KDM1B: variants seen among roughly 807,000 people sequenced by gnomAD.
KDM1B encodes lysine demethylase 1B, also known as lysine-specific histone demethylase 2.
In KDM1B, 63 loss-of-function variants were observed where a neutral mutation model predicts 107.4. The observed-to-expected ratio is 0.59, with a 90% CI of 0.48 to 0.72. KDM1B has a LOEUF of 0.72. KDM1B is among the 30% of genes least tolerant of loss of function. The pLI is 0.00. For synonymous variants in KDM1B, 363 were observed against 363.9 expected, an observed-to-expected ratio of 1.00 and a Z score of 0.03; for missense variants, 749 against 1,020.8, an observed-to-expected ratio of 0.73 and a Z score of 3.63.
chr6:18,222,000 G>A lies in KDM1B; in HGVS notation c.*8G>A, dbSNP rs1383082498. Reference sequence around the variant, plus strand: ...AAGATTGCAGCATTTTAAGAATTCGGTGGACCCAGCTTTCTTCTGTACCCC... The same window carrying A: ...AAGATTGCAGCATTTTAAGAATTCGATGGACCCAGCTTTCTTCTGTACCCC... On this transcript the variant is annotated 3_prime_UTR_variant, in exon 22 of 22. Transcript: ENST00000650836. 6.2e-7 allele frequency: 1 copy of A among 1,613,418 alleles called. No homozygotes were observed. Among genetic ancestry groups the A allele is most frequent in the South Asian group, 1.1e-5 (1 of 91,064 alleles).
rs1788643191 is a variant in KDM1B at position 18,209,276 on chromosome 6, T to C, written c.1866+1070T>C. On this transcript the variant is annotated intron_variant, in intron 17 of 21. Coordinates refer to ENST00000650836, the MANE Select transcript of KDM1B (RefSeq NM_001364614.2). The surrounding 1 kb of genome is among the most constrained non-coding windows in gnomAD (Gnocchi z 4.3). ...GTAAACCTTGAAAATTTAAGTTTAG[T>C]TATATCTTAAGTGACTATGAAAAAA... Among the ~76,000 whole-genome samples, 1 of 152,158 alleles carries C rather than the reference T, an allele frequency of 6.6e-6. No homozygotes were observed. Among genetic ancestry groups the C allele is most frequent in the South Asian group, 2.1e-4 (1 of 4,834 alleles).
chr6:18,168,506 A>G (rs1785461850), intron 6 of KDM1B, among the ~76,000 whole-genome samples: 1 of 152,202 alleles, frequency 6.6e-6, no homozygotes, highest in Admixed American at 6.5e-5. Flanking sequence ...TTAAGCATTC[A>G]TCTATTGATG....
intron 12 of KDM1B, among the ~76,000 whole-genome samples, chr6:18,199,838 T>C (rs1026727770): frequency 1.3e-5 from 2 of 152,184 alleles, no homozygotes. Context: ...GAATACTATT[T>C]TATAAAAAGC....
chr6:18,187,292 C>T (rs558474540), intron 8 of KDM1B, among the ~76,000 whole-genome samples: 1 of 152,270 alleles, frequency 6.6e-6, no homozygotes, highest in East Asian at 1.9e-4. Flanking sequence ...ACTTTTCCCT[C>T]TGAAAGTTTT....
chr6:18,221,005 A>G (rs1031453788), intron 21 of KDM1B, among the ~76,000 whole-genome samples: 1 of 152,018 alleles, frequency 6.6e-6, no homozygotes, highest in East Asian at 1.9e-4. Flanking sequence ...CCTGCCTCCC[A>G]AAGTGTTGGG....
At chr6:18,175,309 C>A (rs887115882) in intron 7 of KDM1B, among the ~76,000 whole-genome samples, 6 of 152,092 alleles carry the variant, frequency 3.9e-5, no homozygotes, top group African/African-American at 1.4e-4. Context: ...CTATTCATAT[C>A]CTTAGCCCAC....
At chr6:18,199,027 A>AAG (rs1215831978) in intron 12 of KDM1B, among the ~76,000 whole-genome samples, 2 of 146,750 alleles carry the variant, frequency 1.4e-5, no homozygotes, top group South Asian at 2.2e-4. Context: ...AAAAAAAAAA[A>AAG]AAAAAAGAAA....
chr6:18,207,395 C>G lies in KDM1B; in HGVS notation c.1660-3C>G. 1 of 1,613,986 alleles carries G rather than the reference C, an allele frequency of 6.2e-7. No homozygotes were observed. Among genetic ancestry groups the G allele is most frequent in the Non-Finnish European group, 8.5e-7 (1 of 1,179,908 alleles). ...TGTGTCCCCAACCTCTCTTGTTTCC[C>G]AGGTATCTGCTCGCTCGTGGGACCA... On this transcript the variant is annotated splice_polypyrimidine_tract_variant and splice_region_variant and intron_variant, in intron 15 of 21. Transcript: ENST00000650836.
rs2151019397 is a variant in KDM1B, at chr6:18,211,430, T to TGAGATGTA, written c.1867-1055_1867-1048dup. Reference sequence around the variant, plus strand: ...GCCCAGCCAATCTGATGCACTTGCATGAGATGTAGAAGGTGTAGGTTGACT... The same window carrying TGAGATGTA: ...GCCCAGCCAATCTGATGCACTTGCATGAGATGTAGAGATGTAGAAGGTGTAGGTTGACT... On this transcript the variant is annotated intron_variant, in intron 17 of 21. Coordinates refer to ENST00000650836, the MANE Select transcript of KDM1B (RefSeq NM_001364614.2). The surrounding 1 kb of genome is among the most constrained non-coding windows in gnomAD (Gnocchi z 5.2). 6.6e-6 allele frequency: 1 copy of TGAGATGTA among 152,340 alleles called. No homozygotes were observed. The highest frequency in any genetic ancestry group is 1.9e-4 in the East Asian group (1 of 5,188). The allele number at this position is 152,340 out of a possible 1,614,324, so 9.4% of individuals were successfully genotyped here.
rs1314668518 is a variant in KDM1B at position 18,223,494 on chromosome 6, A to C, written c.*1502A>C. On this transcript the variant is annotated 3_prime_UTR_variant, in exon 22 of 22. Coordinates refer to ENST00000650836, the MANE Select transcript of KDM1B (RefSeq NM_001364614.2). The stretch of plus-strand genomic sequence containing the variant: ...TTCTGCTTTAAAGTATCATGTATTA[A>C]AATGTTTAGACAGCATGTGTTTTAA... The C allele has an allele frequency of 2.0e-5, 3 of 152,130 alleles. No homozygotes were observed. Among genetic ancestry groups the C allele is most frequent in the Non-Finnish European group, 4.4e-5 (3 of 68,018 alleles). The allele number at this position is 152,130 out of a possible 1,614,324, so 9.4% of individuals were successfully genotyped here.
At chr6:18,171,598 A>G in intron 7 of KDM1B, 119 bp downstream of exon 7, 3 of 677,974 alleles carry the variant, frequency 4.4e-6, no homozygotes, top group Admixed American at 2.2e-5. Flanking sequence ...ATTTGCATGC[A>G]TGTAATAGAA....
At chr6:18,206,482 A>G (rs776025903) in intron 15 of KDM1B, among the ~76,000 whole-genome samples, 19 of 152,218 alleles carry the variant, frequency 1.2e-4, no homozygotes, top group Non-Finnish European at 2.4e-4. Flanking sequence ...GTGCTACCAC[A>G]CTGCTGCCTG....
chr6:18,217,674 G>A (rs776491356), intron 20 of KDM1B, 59 bp from the exon 21 acceptor site: 42 of 1,456,804 alleles, frequency 2.9e-5, no homozygotes, highest in Middle Eastern at 1.8e-4. Context: ...GAGTCACTGC[G>A]CCCTGCCATC....
chr6:18,182,459 T>A (rs1198305133), intron 7 of KDM1B, among the ~76,000 whole-genome samples: 5 of 152,138 alleles, frequency 3.3e-5, no homozygotes, highest in Non-Finnish European at 5.9e-5. Context: ...TGTTTTTGAT[T>A]TTGCTGTTTC....
At chr6:18,161,281 T>C (rs1784954470) in intron 3 of KDM1B, 46 bp from the exon 4 acceptor site, 1 of 1,598,982 alleles carries the variant, frequency 6.3e-7, no homozygotes, top group Admixed American at 1.7e-5. Flanking sequence ...CCTTAGTCAT[T>C]TTGCCATCAT....
chr6:18,207,285 TC>T (rs1730197333), intron 15 of KDM1B, 112 bp from the exon 16 acceptor site: 1 of 1,115,590 alleles, frequency 9.0e-7, no homozygotes, highest in South Asian at 1.4e-5. Flanking sequence ...GGTCTGCCTG[TC>T]CCCTGCCCTC....
At chr6:18,173,287 C>G (rs6912910) in intron 7 of KDM1B, among the ~76,000 whole-genome samples, 1 of 152,080 alleles carries the variant, frequency 6.6e-6, no homozygotes, top group Non-Finnish European at 1.5e-5. Flanking sequence ...CATTTCCCTA[C>G]TAACTGGTGA....
intron 2 of KDM1B, among the ~76,000 whole-genome samples, chr6:18,157,091 T>C (rs1263330663): frequency 6.6e-6 from 1 of 152,230 alleles, no homozygotes; most frequent in Admixed American, 6.5e-5. Context: ...AAATTAGAAA[T>C]ATATGTATAA....
At chr6:18,179,714 G>A (rs1213310607) in intron 7 of KDM1B, among the ~76,000 whole-genome samples, 4 of 151,580 alleles carry the variant, frequency 2.6e-5, no homozygotes, top group South Asian at 4.2e-4. Flanking sequence ...GCTTTGTCTC[G>A]GTATCCTTTC....
Sources: gnomAD v4.1 joint callset for allele counts (sites outside exome capture counted in the v4.1 genomes callset) on GRCh38, gnomAD v4.1.1 for gene constraint, Gnocchi (gnomAD v3.1) non-coding constraint, MANE v1.5 for transcripts, NCBI Gene and HGNC (gene_info 2026-07-23, HGNC 2026-07-21) for gene names.